SPOCK3: variants seen among roughly 807,000 people sequenced by gnomAD.
The protein encoded by SPOCK3 is SPARC (osteonectin), cwcv and kazal like domains proteoglycan 3.
Under a neutral mutation model 56.6 loss-of-function variants are expected in SPOCK3, and 30 were observed. The observed-to-expected ratio is 0.53, with a 90% CI of 0.40 to 0.72. The LOEUF is 0.72. Ranked by LOEUF, SPOCK3 falls within the 30% of genes least tolerant of loss-of-function variation. The pLI, the probability that SPOCK3 is intolerant of heterozygous loss-of-function variation, is 0.00. For missense variants in SPOCK3, 527 were observed against 530.0 expected (o/e 0.99, Z 0.06); for synonymous variants, 196 against 183.3 (o/e 1.07, Z -0.56).
chr4:166,854,316 ACT>A lies in SPOCK3; in HGVS notation c.589+34812_589+34813del, dbSNP rs530628432. On this transcript the variant is annotated intron_variant, in intron 6 of 10. Transcript: ENST00000357545. ...TAACATGGTAATCTGTACACAATAA[ACT>A]CTGAATAAATATGTGATTTGATTTT... 1.6e-4 allele frequency among the ~76,000 whole-genome samples: 25 copies of A among 152,260 alleles called. 1 individual carries two copies. In the South Asian group the frequency reaches 3.9e-3, roughly 24 times the overall value.
chr4:167,168,316 T>C lies in SPOCK3; in HGVS notation c.189+65669A>G, dbSNP rs552152191. On this transcript the variant is annotated intron_variant, in intron 2 of 10. Transcript: ENST00000357545. ...ACTGTTTGGAGGGCTCACAAGAAGA[T>C]AGGAAAATCTAGGAAAGTTTGGAAC... is the stretch of plus-strand genomic sequence containing the variant. Among the ~76,000 whole-genome samples the C allele has an allele frequency of 8.5e-5, 13 of 152,144 alleles. No homozygotes were observed. The South Asian group carries it at 1.5e-3, about 17-fold the overall frequency.
chr4:166,953,850 C>T (rs1743036674), intron 4 of SPOCK3, among the ~76,000 whole-genome samples: 1 of 152,006 alleles, frequency 6.6e-6, no homozygotes, highest in Non-Finnish European at 1.5e-5. Flanking sequence ...AAACCAAACA[C>T]CGCATATTCT....
chr4:167,192,724 G>A (rs556966269), intron 2 of SPOCK3, among the ~76,000 whole-genome samples: 3 of 144,632 alleles, frequency 2.1e-5, no homozygotes, highest in Non-Finnish European at 4.5e-5. Flanking sequence ...TTTTTTCGAC[G>A]TAGGTATTTA....
intron 2 of SPOCK3, among the ~76,000 whole-genome samples, chr4:167,178,360 T>TAGGC (rs1731162560): frequency 6.6e-6 from 1 of 152,140 alleles, no homozygotes; most frequent in Non-Finnish European, 1.5e-5. Context: ...AATTTTCACT[T>TAGGC]AGGCAGACTC....
chr4:166,763,133 GAAA>G (rs34313837), intron 7 of SPOCK3, among the ~76,000 whole-genome samples: 1 of 145,512 alleles, frequency 6.9e-6, no homozygotes, highest in Admixed American at 6.8e-5. Context: ...GCATCAAAAA[GAAA>G]AAAAAAAACT....
chr4:166,880,839 C>T (rs1000543272), intron 6 of SPOCK3, among the ~76,000 whole-genome samples: 2 of 152,122 alleles, frequency 1.3e-5, no homozygotes, highest in African/African-American at 2.4e-5. Flanking sequence ...GCTCATGCTC[C>T]TCCATTCTTG....
intron 2 of SPOCK3, among the ~76,000 whole-genome samples, chr4:167,148,922 ATAAAAT>A (rs907446291): frequency 5.3e-5 from 8 of 152,250 alleles, no homozygotes; most frequent in Admixed American, 5.2e-4. Flanking sequence ...CAACATCTAA[ATAAAAT>A]TAAGATGTGC....
chr4:167,004,241 C>T (rs1749238180), intron 3 of SPOCK3, among the ~76,000 whole-genome samples: 4 of 152,002 alleles, frequency 2.6e-5, no homozygotes, highest in Admixed American at 2.0e-4. Flanking sequence ...TGGGAGAAAA[C>T]TAGAATGAGC....
At chr4:167,142,755 A>G (rs1763639101) in intron 2 of SPOCK3, among the ~76,000 whole-genome samples, 1 of 152,070 alleles carries the variant, frequency 6.6e-6, no homozygotes, top group African/African-American at 2.4e-5. Flanking sequence ...TTAAGAATGG[A>G]AAATGGATCA....
At chr4:166,996,381 G>A (rs728112) in intron 4 of SPOCK3, among the ~76,000 whole-genome samples, 98,862 of 152,038 alleles carry the variant, frequency 0.65, 33,936 homozygotes, top group East Asian at 0.84. Flanking sequence ...GGCAGCAAGG[G>A]AGCATAAAAC....
chr4:166,880,761 T>A (rs940793020), intron 6 of SPOCK3, among the ~76,000 whole-genome samples: 1 of 152,202 alleles, frequency 6.6e-6, no homozygotes, highest in Non-Finnish European at 1.5e-5. Context: ...GAATCTATCA[T>A]CTGCTTCCTA....
intron 2 of SPOCK3, among the ~76,000 whole-genome samples, chr4:167,159,309 T>G (rs1156833332): frequency 6.6e-6 from 1 of 151,998 alleles, no homozygotes; most frequent in Non-Finnish European, 1.5e-5. Context: ...CTACCCAAAA[T>G]ATGGCATCTT....
At chr4:166,936,094 G>T (rs1740370814) in intron 4 of SPOCK3, among the ~76,000 whole-genome samples, 1 of 152,078 alleles carries the variant, frequency 6.6e-6, no homozygotes, top group Non-Finnish European at 1.5e-5. Flanking sequence ...AAGATTATAA[G>T]TTTTATTTCT....
chr4:167,120,709 A>C (rs1238466960), intron 2 of SPOCK3, among the ~76,000 whole-genome samples: 1 of 152,082 alleles, frequency 6.6e-6, no homozygotes, highest in African/African-American at 2.4e-5. Context: ...TATAATAGGA[A>C]ATATGACTTT....
chr4:166,754,182 G>A (rs1736768794), intron 8 of SPOCK3: 10 of 1,036,016 alleles, frequency 9.7e-6, no homozygotes, highest in Non-Finnish European at 1.2e-5. Context: ...GGGCAAAGCA[G>A]ATAGCAAATT....
chr4:167,126,358 G>A (rs567719003), intron 2 of SPOCK3, among the ~76,000 whole-genome samples: 2 of 146,260 alleles, frequency 1.4e-5, no homozygotes, highest in African/African-American at 2.5e-5. Flanking sequence ...GACCAGCCTG[G>A]CCAACTTGGC....
intron 6 of SPOCK3, among the ~76,000 whole-genome samples, chr4:166,844,707 T>G (rs1396812665): frequency 6.6e-6 from 1 of 150,404 alleles, no homozygotes; most frequent in Non-Finnish European, 1.5e-5. Context: ...TACATATCTA[T>G]ACAGATATAC....
At chr4:166,811,085 C>A (rs1743721251) in intron 6 of SPOCK3, among the ~76,000 whole-genome samples, 1 of 151,602 alleles carries the variant, frequency 6.6e-6, no homozygotes, top group Non-Finnish European at 1.5e-5. Context: ...CTTGTATTAT[C>A]CTCTTCTCTA....
At chr4:167,221,144 G>C (rs887676186) in intron 2 of SPOCK3, among the ~76,000 whole-genome samples, 2 of 151,832 alleles carry the variant, frequency 1.3e-5, no homozygotes. Context: ...AGGATGGCTT[G>C]AGCCTAAGAG....
Sources: gnomAD v4.1 joint callset for allele counts (sites outside exome capture counted in the v4.1 genomes callset) on GRCh38, gnomAD v4.1.1 for gene constraint, MANE v1.5 for transcripts, NCBI Gene and HGNC (gene_info 2026-07-23, HGNC 2026-07-21) for gene names.